Variants in CPEB3 observed in about 807,000 individuals in gnomAD.
The protein encoded by CPEB3 is cytoplasmic polyadenylation element binding protein 3, also known as cytoplasmic polyadenylation element-binding protein 3.
Under a neutral mutation model 67.2 loss-of-function variants are expected in CPEB3, and 20 were observed. The ratio of observed to expected loss-of-function variants is 0.30; its 90% CI spans 0.21 to 0.43. CPEB3 has a LOEUF of 0.43. CPEB3 is among the 20% of genes least tolerant of loss of function. CPEB3 has a pLI of 1.00. For synonymous variants in CPEB3, 376 were observed against 393.1 expected, an observed-to-expected ratio of 0.96 and a Z score of 0.51; for missense variants, 746 against 968.6, an observed-to-expected ratio of 0.77 and a Z score of 3.05.
intron 4 of CPEB3, among the ~76,000 whole-genome samples, chr10:92,156,506 G>T (rs1373095027): frequency 2.0e-5 from 3 of 152,116 alleles, no homozygotes; most frequent in Non-Finnish European, 4.4e-5. Flanking sequence ...GGAAAATCTT[G>T]ACAAGATCTG....
intron 2 of CPEB3, among the ~76,000 whole-genome samples, chr10:92,205,210 A>G (rs1397980337): frequency 6.6e-6 from 1 of 152,200 alleles, no homozygotes; most frequent in African/African-American, 2.4e-5. Context: ...ATCCCTGACA[A>G]AGTAATGCTG....
intron 2 of CPEB3, among the ~76,000 whole-genome samples, chr10:92,194,653 T>C (rs115018110): frequency 0.013 from 2,030 of 152,178 alleles, 48 homozygotes; most frequent in African/African-American, 0.047. Flanking sequence ...AAAAGTATTA[T>C]TTCACCACAT....
At chr10:92,057,268 T>C (rs990076624) in intron 9 of CPEB3, among the ~76,000 whole-genome samples, 2 of 152,182 alleles carry the variant, frequency 1.3e-5, no homozygotes, top group Non-Finnish European at 2.9e-5. Context: ...AGGCAGTACT[T>C]ACCACGAGCT....
intron 7 of CPEB3, among the ~76,000 whole-genome samples, chr10:92,109,727 A>G (rs1304073946): frequency 1.3e-5 from 2 of 152,116 alleles, no homozygotes; most frequent in East Asian, 3.8e-4. Context: ...TTACTCTCCA[A>G]TGAATACTCT....
chr10:92,281,706 TAATAA>T (rs978958880), intron 1 of CPEB3, among the ~76,000 whole-genome samples: 4 of 152,220 alleles, frequency 2.6e-5, no homozygotes, highest in Non-Finnish European at 5.9e-5. Flanking sequence ...AAGTCAAGGT[TAATAA>T]AATGAGTATC....
At chr10:92,072,349 TA>T (rs1306445739) in intron 9 of CPEB3, among the ~76,000 whole-genome samples, 4 of 151,752 alleles carry the variant, frequency 2.6e-5, no homozygotes, top group African/African-American at 9.7e-5. Context: ...ACTGAATAAA[TA>T]CTTTAAAAGG....
At chr10:92,095,681 C>G (rs935879029) in intron 7 of CPEB3, among the ~76,000 whole-genome samples, 1 of 146,920 alleles carries the variant, frequency 6.8e-6, no homozygotes, top group Non-Finnish European at 1.5e-5. Context: ...ACTTTATAAG[C>G]TAATTCAAAT....
chr10:92,197,693 T>C (rs1321402808), intron 2 of CPEB3, among the ~76,000 whole-genome samples: 32 of 152,206 alleles, frequency 2.1e-4, no homozygotes, highest in Admixed American at 2.1e-3. Flanking sequence ...CTTTCTTCCC[T>C]CAGCTGGATT....
intron 2 of CPEB3, among the ~76,000 whole-genome samples, chr10:92,223,264 T>C (rs1031912242): frequency 2.0e-5 from 3 of 152,234 alleles, no homozygotes; most frequent in Non-Finnish European, 4.4e-5. Flanking sequence ...TCTATCCTAA[T>C]AAGGTTTTCC....
chr10:92,080,362 A>G (rs1337216075), intron 9 of CPEB3, among the ~76,000 whole-genome samples: 2 of 152,166 alleles, frequency 1.3e-5, no homozygotes, highest in Non-Finnish European at 2.9e-5. Flanking sequence ...GCCAATCTGC[A>G]AAACTATTAA....
Position 92,247,886 on chromosome 10 carries a change from GTTTTGT to G in CPEB3, c.-11-7531_-11-7526del, listed in dbSNP as rs1337600489. On this transcript the variant is annotated intron_variant, in intron 1 of 9. Coordinates refer to ENST00000265997, the MANE Select transcript of CPEB3 (RefSeq NM_014912.5). ...CTTAAACCACTGCCCCCCATCCTTT[GTTTTGT>G]TTTTGTTTTTGTTTTTCTTTGAGAC... 6.6e-5 allele frequency among the ~76,000 whole-genome samples: 10 copies of G among 151,890 alleles called. No individual in the cohort carries two copies. In the South Asian group the frequency reaches 1.2e-3, roughly 19 times the overall value.
At position 92,203,500 on chromosome 10, in the gene CPEB3, A is replaced by ATG. The variant is rs1373928836; in HGVS notation, c.1006-10866_1006-10865dup. Among the ~76,000 whole-genome samples the ATG allele has an allele frequency of 3.8e-3, 537 of 140,380 alleles. 4 individuals are homozygous for ATG. The highest frequency in any genetic ancestry group is 0.013 in the African/African-American group (471 of 37,118). 92.1% of individuals were successfully genotyped at this position (140,380 alleles called of 152,430 possible). A position where few individuals can be genotyped will look rare whatever the true frequency, so the allele number is the denominator to read the frequency against. On this transcript the variant is annotated intron_variant, in intron 2 of 9. Transcript: ENST00000265997. ...TATATGTGTGTATATGTGTATATATATGTGTGTGTATATATATATATATAT... is the reference window on the plus strand; with the variant it reads ...TATATGTGTGTATATGTGTATATATATGTGTGTGTGTATATATATATATATAT...
intron 1 of CPEB3, among the ~76,000 whole-genome samples, chr10:92,256,993 C>G (rs1361140860): frequency 1.3e-5 from 2 of 152,130 alleles, no homozygotes; most frequent in African/African-American, 4.8e-5. Flanking sequence ...GAACAGATAC[C>G]TTTTATCCCA....
At chr10:92,276,885 T>G (rs954713007) in intron 1 of CPEB3, among the ~76,000 whole-genome samples, 1 of 152,214 alleles carries the variant, frequency 6.6e-6, no homozygotes, top group Non-Finnish European at 1.5e-5. Flanking sequence ...GTCATCCTGG[T>G]GAGAGTGAAG....
intron 6 of CPEB3, among the ~76,000 whole-genome samples, chr10:92,139,289 T>TAAAAAAA (rs3048542): frequency 5.6e-5 from 4 of 71,160 alleles, no homozygotes; most frequent in African/African-American, 1.5e-4. Context: ...CACACACACA[T>TAAAAAAA]AAAAAAAAAA....
intron 9 of CPEB3, among the ~76,000 whole-genome samples, chr10:92,074,298 A>G (rs1244946957): frequency 6.6e-6 from 1 of 152,168 alleles, no homozygotes; most frequent in East Asian, 1.9e-4. Flanking sequence ...TCATTCACGC[A>G]TTAATTCAAA....
At chr10:92,152,936 G>A (rs1001332521) in intron 4 of CPEB3, among the ~76,000 whole-genome samples, 18 of 152,096 alleles carry the variant, frequency 1.2e-4, no homozygotes, top group Non-Finnish European at 2.4e-4. Flanking sequence ...AATTTGGGTG[G>A]AAGGCCCAGA....
intron 5 of CPEB3, among the ~76,000 whole-genome samples, chr10:92,144,239 G>T (rs1001272377): frequency 1.2e-4 from 18 of 152,010 alleles, no homozygotes; most frequent in African/African-American, 4.1e-4. Flanking sequence ...TAAAGAGGTG[G>T]ATTATGCTTT....
intron 1 of CPEB3, among the ~76,000 whole-genome samples, chr10:92,270,560 T>C (rs1853261500): frequency 1.3e-5 from 1 of 75,246 alleles, no homozygotes; most frequent in African/African-American, 4.3e-5. Flanking sequence ...TTTATATTAC[T>C]TTTTTTTTTT....
Sources: allele counts gnomAD v4.1 joint callset (sites outside exome capture counted in the v4.1 genomes callset), GRCh38; gene constraint gnomAD v4.1.1; transcripts MANE v1.5; gene names NCBI Gene and HGNC (gene_info 2026-07-23, HGNC 2026-07-21).